Variants in LRP12 observed in about 807,000 individuals in gnomAD.
The protein encoded by LRP12 is low-density lipoprotein receptor-related protein 12.
In LRP12, 14 loss-of-function variants were observed where a neutral mutation model predicts 66.0. That is an observed-to-expected ratio of 0.21 (90% CI 0.14 to 0.33). LRP12 has a LOEUF of 0.33. Ranked by LOEUF, LRP12 falls within the 10% of genes least tolerant of loss-of-function variation. LRP12 has a pLI of 1.00. For missense variants in LRP12, 889 were observed against 1,053.4 expected, an observed-to-expected ratio of 0.84 and a Z score of 2.16; for synonymous variants, 357 against 359.1, an observed-to-expected ratio of 0.99 and a Z score of 0.07.
intron 2 of LRP12, among the ~76,000 whole-genome samples, chr8:104,518,390 A>G (rs1311242645): frequency 6.6e-6 from 1 of 152,030 alleles, no homozygotes; most frequent in Non-Finnish European, 1.5e-5. Context: ...CTGGGATGGA[A>G]CCCAGACAAG....
At chr8:104,517,658 T>C (rs765494236) in intron 2 of LRP12, among the ~76,000 whole-genome samples, 2 of 152,070 alleles carry the variant, frequency 1.3e-5, no homozygotes, top group Non-Finnish European at 2.9e-5. Context: ...TAATAGCATA[T>C]ATAGGTAACG....
At chr8:104,492,024 T>C (rs950218278) in intron 6 of LRP12, among the ~76,000 whole-genome samples, 8 of 152,058 alleles carry the variant, frequency 5.3e-5, no homozygotes, top group Admixed American at 6.5e-5. Flanking sequence ...GGCTTAACTT[T>C]TCCAAAACAT....
rs530878645 is a variant in LRP12 at position 104,510,683 on chromosome 8, T to C, written c.137-1609A>G. ...TAACAGCAGATTAGAAGCAGAAAAT[T>C]AGAAGTGGGGAGAGTAGCTGCCAGG... On this transcript the variant is annotated intron_variant, in intron 2 of 6. Transcript: ENST00000276654. 1.4e-3 allele frequency among the ~76,000 whole-genome samples: 216 copies of C among 152,220 alleles called. 2 individuals are homozygous for C. The highest frequency in any genetic ancestry group is 4.6e-3 in the African/African-American group (190 of 41,532).
chr8:104,494,247 A>G (rs548100645), intron 6 of LRP12, among the ~76,000 whole-genome samples: 1 of 152,312 alleles, frequency 6.6e-6, no homozygotes, highest in Non-Finnish European at 1.5e-5. Context: ...CAACAGTGGA[A>G]CTTCTGAATG....
chr8:104,508,589 A>C, intron 3 of LRP12: 1 of 177,020 alleles, frequency 5.6e-6, no homozygotes, highest in Non-Finnish European at 1.2e-5. Flanking sequence ...GTTAAGAGCT[A>C]GATATCCAAG....
In LRP12 at chr8:104,576,364, G is replaced by C. The variant is rs1330723321; in HGVS notation, c.79+12455C>G. On this transcript the variant is annotated intron_variant, in intron 1 of 6. Coordinates refer to ENST00000276654, the MANE Select transcript of LRP12 (RefSeq NM_013437.5). ...AAAGAAAAAATATTAAAGGTAGCTA[G>C]AGAGAAAAAGCAGGTCACCTACAAA... is the stretch of plus-strand genomic sequence containing the variant. Among the ~76,000 whole-genome samples the C allele has an allele frequency of 2.6e-5, 4 of 152,086 alleles. No homozygotes were observed. The East Asian group carries it at 5.8e-4, about 22-fold the overall frequency.
chr8:104,547,776 T>C (rs1370729632), intron 1 of LRP12, among the ~76,000 whole-genome samples: 13 of 129,830 alleles, frequency 1.0e-4, no homozygotes, highest in Non-Finnish European at 1.7e-4. Context: ...TATATTATAT[T>C]TTGTATATAA....
At chr8:104,524,201 C>T (rs995453516) in intron 2 of LRP12, among the ~76,000 whole-genome samples, 4 of 147,146 alleles carry the variant, frequency 2.7e-5, no homozygotes, top group Non-Finnish European at 4.5e-5. Flanking sequence ...GAGATCATGC[C>T]GCTGCACTCC....
At chr8:104,548,316 A>AT (rs1811652336) in intron 1 of LRP12, among the ~76,000 whole-genome samples, 2 of 22,880 alleles carry the variant, frequency 8.7e-5, no homozygotes, top group South Asian at 1.8e-3. Context: ...ATATTATATA[A>AT]ATATATAATA....
At chr8:104,577,034 G>A (rs570046961) in intron 1 of LRP12, among the ~76,000 whole-genome samples, 119 of 152,222 alleles carry the variant, frequency 7.8e-4, no homozygotes, top group Non-Finnish European at 1.3e-3. Flanking sequence ...AATTCAACAG[G>A]AAGATTTTAA....
At chr8:104,547,008 A>C (rs1453949393) in intron 1 of LRP12, among the ~76,000 whole-genome samples, 1 of 144,638 alleles carries the variant, frequency 6.9e-6, no homozygotes, top group Admixed American at 7.0e-5. Context: ...ATAATTATAT[A>C]TTCTGTATAT....
chr8:104,508,836 G>A, intron 3 of LRP12, 103 bp downstream of exon 3: 1 of 1,083,414 alleles, frequency 9.2e-7, no homozygotes, highest in Non-Finnish European at 1.3e-6. Flanking sequence ...TACATCTCCT[G>A]AAAAGCCTTC....
intron 2 of LRP12, among the ~76,000 whole-genome samples, chr8:104,519,363 A>C (rs920819826): frequency 6.6e-5 from 10 of 152,040 alleles, no homozygotes. Flanking sequence ...GAAGTTAGAA[A>C]ACTGAACTTC....
chr8:104,524,084 A>C (rs1811191456), intron 2 of LRP12, among the ~76,000 whole-genome samples: 1 of 151,872 alleles, frequency 6.6e-6, no homozygotes, highest in Admixed American at 6.6e-5. Context: ...CGTCTCTACA[A>C]AAACAAAAAT....
chr8:104,586,691 T>C (rs1812338308), intron 1 of LRP12, among the ~76,000 whole-genome samples: 2 of 152,190 alleles, frequency 1.3e-5, no homozygotes, highest in South Asian at 4.1e-4. Flanking sequence ...ACAGCCCTTT[T>C]TCACTATTAT....
Position 104,490,294 on chromosome 8 carries a change from A to AC in LRP12, c.*378_*379insG, listed in dbSNP as rs1372346700. On this transcript the variant is annotated 3_prime_UTR_variant, in exon 7 of 7. Transcript: ENST00000276654. ...TACAAGATGTGTTGGCAAAAGCATAAACGTTTCAATTAAAATAAGGTATTA... is the reference window on the plus strand; with the variant it reads ...TACAAGATGTGTTGGCAAAAGCATAACACGTTTCAATTAAAATAAGGTATTA... 1 of 163,884 alleles carries AC rather than the reference A, an allele frequency of 6.1e-6. No individual in the cohort carries two copies. Among genetic ancestry groups the AC allele is most frequent in the Non-Finnish European group, 1.3e-5 (1 of 75,380 alleles). 10.2% of individuals were successfully genotyped at this position (163,884 alleles called of 1,614,324 possible).
intron 6 of LRP12, among the ~76,000 whole-genome samples, chr8:104,493,129 G>T (rs112128844): frequency 0.018 from 2,725 of 152,276 alleles, 87 homozygotes; most frequent in African/African-American, 0.061. Flanking sequence ...ATTAGGATTG[G>T]CAATCTAACA....
chr8:104,508,349 T>C (rs1810939348), intron 3 of LRP12: 1 of 152,252 alleles, frequency 6.6e-6, no homozygotes, highest in Non-Finnish European at 1.5e-5. Flanking sequence ...ATATGTCACA[T>C]TCATTCTTAG....
intron 6 of LRP12, among the ~76,000 whole-genome samples, chr8:104,492,905 T>A (rs756944405): frequency 1.3e-5 from 2 of 152,098 alleles, no homozygotes; most frequent in Non-Finnish European, 1.5e-5. Context: ...TCTCCACAGA[T>A]CTGCTCCTCA....
Sources: gnomAD v4.1 joint callset for allele counts (sites outside exome capture counted in the v4.1 genomes callset) on GRCh38, gnomAD v4.1.1 for gene constraint, MANE v1.5 for transcripts, NCBI Gene and HGNC (gene_info 2026-07-23, HGNC 2026-07-21) for gene names.